The following ABI3BP variants were observed in gnomAD, a reference collection of about 807,000 sequenced individuals.
ABI3BP encodes the protein target of Nesh-SH3.
Under a neutral mutation model 268.6 loss-of-function variants are expected in ABI3BP, and 216 were observed. The observed-to-expected ratio is 0.80, with a 90% CI of 0.72 to 0.90. ABI3BP has a LOEUF of 0.90. Among genes scored for constraint, ABI3BP ranks in the 40% least tolerant of loss-of-function variants. The pLI is 0.00. For missense variants in ABI3BP, 2,090 were observed against 2,182.4 expected (o/e 0.96, Z 0.84); for synonymous variants, 730 against 730.0 (o/e 1.00, Z 0.00).
At chr3:100,921,575 C>A (rs534981787) in intron 2 of ABI3BP, among the ~76,000 whole-genome samples, 1 of 151,674 alleles carries the variant, frequency 6.6e-6, no homozygotes, top group Non-Finnish European at 1.5e-5. Context: ...TGTTTTATCA[C>A]GTCATCGCAG....
intron 34 of ABI3BP, among the ~76,000 whole-genome samples, chr3:100,827,274 A>G (rs1039093289): frequency 6.6e-6 from 1 of 152,136 alleles, no homozygotes; most frequent in Non-Finnish European, 1.5e-5. Context: ...CTTCTACTAC[A>G]AAAAGGGAAG....
intron 4 of ABI3BP, among the ~76,000 whole-genome samples, chr3:100,896,375 T>C (rs2047682823): frequency 6.6e-6 from 1 of 152,164 alleles, no homozygotes. Context: ...CATGGCAACA[T>C]CTATCAATTA....
chr3:100,804,893 T>C, intron 50 of ABI3BP, 27 bp from the exon 51 acceptor site: 3 of 1,592,220 alleles, frequency 1.9e-6, no homozygotes, highest in Non-Finnish European at 2.6e-6. Flanking sequence ...ATATTGTAAG[T>C]CATTTGGTTT....
At chr3:100,870,078 A>T (rs1189726872) in intron 9 of ABI3BP, among the ~76,000 whole-genome samples, 1 of 152,150 alleles carries the variant, frequency 6.6e-6, no homozygotes, top group African/African-American at 2.4e-5. Flanking sequence ...AGGATTTACT[A>T]CCTCAAAAAA....
chr3:100,768,332 C>G (rs770624170), intron 62 of ABI3BP, among the ~76,000 whole-genome samples: 6 of 152,172 alleles, frequency 3.9e-5, no homozygotes, highest in African/African-American at 1.4e-4. Flanking sequence ...TCGTAATCCG[C>G]CCACCTCAGC....
chr3:100,840,889 G>T, intron 21 of ABI3BP, 31 bp from the exon 22 acceptor site: 1 of 1,517,966 alleles, frequency 6.6e-7, no homozygotes, highest in South Asian at 1.2e-5. Context: ...CACCAAGAAA[G>T]AATCAAGATC....
chr3:100,811,779 CATA>C lies in ABI3BP; in HGVS notation c.3439_3441del (p.Tyr1147del). 2 of 1,535,486 alleles carry C rather than the reference CATA, an allele frequency of 1.3e-6. No individual in the cohort carries two copies. Among genetic ancestry groups the C allele is most frequent in the Non-Finnish European group, 1.7e-6 (2 of 1,146,478 alleles). ...AGTGGTGCTTTGGCAGTGGGATATA[CATA>C]GTCTGTTTTGGCTGGTGCTAGGGAA... On this transcript the variant is annotated inframe_deletion, in exon 47 of 68. Coordinates refer to ENST00000471714, the MANE Select transcript of ABI3BP (RefSeq NM_001375547.2).
chr3:100,789,380 T>C, intron 56 of ABI3BP, 74 bp downstream of exon 56: 2 of 1,409,134 alleles, frequency 1.4e-6, no homozygotes, highest in East Asian at 2.5e-5. Flanking sequence ...CCCTTTGGTG[T>C]ATTTGGCTAT....
At chr3:100,822,388 A>C (rs1407370518) in intron 38 of ABI3BP, among the ~76,000 whole-genome samples, 1 of 152,210 alleles carries the variant, frequency 6.6e-6, no homozygotes, top group Non-Finnish European at 1.5e-5. Context: ...TGCACAAAGG[A>C]AGCATGAGGC....
chr3:100,767,345 A>G (rs2096323946), intron 62 of ABI3BP, among the ~76,000 whole-genome samples: 1 of 152,172 alleles, frequency 6.6e-6, no homozygotes, highest in Non-Finnish European at 1.5e-5. Flanking sequence ...ATTAAACTGG[A>G]AGACAGTGGC....
chr3:100,962,766 T>C (rs1471645496), intron 1 of ABI3BP, among the ~76,000 whole-genome samples: 2 of 152,240 alleles, frequency 1.3e-5, no homozygotes, highest in African/African-American at 4.8e-5. Context: ...CTGGTCATTA[T>C]ATACTGGAGG....
chr3:100,874,200 GT>G (rs1343443891), intron 9 of ABI3BP, among the ~76,000 whole-genome samples: 2 of 151,860 alleles, frequency 1.3e-5, no homozygotes, highest in Non-Finnish European at 2.9e-5. Context: ...GTGGTGGGGG[GT>G]GGTGGGCAGC....
intron 20 of ABI3BP, among the ~76,000 whole-genome samples, chr3:100,842,984 A>G (rs1272196820): frequency 6.6e-6 from 1 of 152,216 alleles, no homozygotes; most frequent in Non-Finnish European, 1.5e-5. Context: ...CTAATATTAG[A>G]CTTATCAGGA....
intron 1 of ABI3BP, among the ~76,000 whole-genome samples, chr3:100,955,299 A>G (rs567770338): frequency 6.6e-6 from 1 of 152,298 alleles, no homozygotes; most frequent in African/African-American, 2.4e-5. Context: ...GCATCATCAG[A>G]GCAGGGCAAG....
intron 63 of ABI3BP, among the ~76,000 whole-genome samples, chr3:100,761,867 A>G (rs1460715257): frequency 6.6e-6 from 1 of 152,218 alleles, no homozygotes; most frequent in Admixed American, 6.5e-5. Context: ...CAAGTGATGG[A>G]AAATGCTACT....
chr3:100,932,708 C>T (rs1286899415), intron 1 of ABI3BP, among the ~76,000 whole-genome samples: 1 of 151,760 alleles, frequency 6.6e-6, no homozygotes, highest in Non-Finnish European at 1.5e-5. Flanking sequence ...CAGATGCTGG[C>T]GAGGTTGTGG....
chr3:100,893,021 C>T (rs1273908557), intron 4 of ABI3BP, among the ~76,000 whole-genome samples: 2 of 152,132 alleles, frequency 1.3e-5, no homozygotes, highest in African/African-American at 4.8e-5. Flanking sequence ...AAGGCAGACC[C>T]ACCCTCCATT....
At position 100,834,694 on chromosome 3, in the gene ABI3BP, C is replaced by G; in HGVS notation, c.2271G>C (p.Gln757His). Residue 757 changes from glutamine (Q) to histidine (H), a missense_variant, in exon 29 of 68, where the codon CAG becomes CAC. By Grantham distance (24) the Gln-to-His change is conservative (BLOSUM62 0). Transcript: ENST00000471714. ...HKTTPRPETLQTKLDFGPITP... is the reference protein window; with the variant it reads ...HKTTPRPETLHTKLDFGPITP... ...CCACATATTATTTACCTAGTTTGGT[C>G]TGCAGTGTCTCTGGGCGTGGCGTGG... 6.5e-7 allele frequency: 1 copy of G among 1,535,502 alleles called. No homozygotes were observed. Among genetic ancestry groups the G allele is most frequent in the Non-Finnish European group, 8.7e-7 (1 of 1,146,430 alleles).
chr3:100,827,408 T>G (rs895492735), intron 34 of ABI3BP, among the ~76,000 whole-genome samples: 1 of 152,050 alleles, frequency 6.6e-6, no homozygotes, highest in Admixed American at 6.6e-5. Flanking sequence ...CTAAGCTCCA[T>G]AAACCAAAGA....
Sources: gnomAD v4.1 joint callset for allele counts (sites outside exome capture counted in the v4.1 genomes callset) on GRCh38, gnomAD v4.1.1 for gene constraint, MANE v1.5 for transcripts, NCBI Gene and HGNC (gene_info 2026-07-23, HGNC 2026-07-21) for gene names.